The following EIF3J variants were observed in gnomAD, a reference collection of about 807,000 sequenced individuals.
EIF3J encodes eukaryotic translation initiation factor 3, subunit 1 (alpha, 35kD).
A neutral mutation model predicts 39.0 loss-of-function variants in EIF3J; 15 were observed. The observed-to-expected ratio is 0.38, with a 90% confidence interval of 0.26 to 0.59. EIF3J has a LOEUF of 0.59. Ranked by LOEUF, EIF3J falls within the 20% of genes least tolerant of loss-of-function variation. The pLI is 0.60. For missense variants in EIF3J, 226 were observed against 308.6 expected (o/e 0.73, Z 2.00); for synonymous variants, 98 against 112.9 (o/e 0.87, Z 0.84).
intron 2 of EIF3J, among the ~76,000 whole-genome samples, chr15:44,541,959 T>C (rs2082017766): frequency 6.6e-6 from 1 of 152,216 alleles, no homozygotes; most frequent in African/African-American, 2.4e-5. Context: ...TTGAAAAATA[T>C]TTTCTTGTCA....
intron 4 of EIF3J, among the ~76,000 whole-genome samples, chr15:44,553,004 A>AGG (rs2082113280): frequency 1.3e-5 from 2 of 151,806 alleles, no homozygotes; most frequent in African/African-American, 4.8e-5. Context: ...TGGACAACAT[A>AGG]GGGAGACCCC....
intron 2 of EIF3J, among the ~76,000 whole-genome samples, chr15:44,539,846 C>A (rs557600771): frequency 6.6e-6 from 1 of 151,782 alleles, no homozygotes; most frequent in Non-Finnish European, 1.5e-5. Flanking sequence ...CTGCAACCTC[C>A]GCCTCCCGGA....
Position 44,562,555 on chromosome 15 carries a change from G to A in EIF3J, c.*1406G>A, listed in dbSNP as rs937084503. ...TCAAAGCTCTGTATACCTACTAAGT[G>A]GAAAACAAGACCATCATCTAAGTGA... On this transcript the variant is annotated 3_prime_UTR_variant, in exon 8 of 8. Transcript: ENST00000261868. The A allele has an allele frequency of 6.5e-6, 1 of 153,200 alleles. No homozygotes were observed. The highest frequency in any genetic ancestry group is 1.5e-5 in the Non-Finnish European group (1 of 68,584). 9.5% of individuals were successfully genotyped at this position (153,200 alleles called of 1,614,324 possible).
rs777077798 is a variant in EIF3J at position 44,561,192 on chromosome 15, C to T, written c.*43C>T. ...GTGTCATCTTTATGTTGCCCACAAT[C>T]CCTTGAACATGTAGCACAACTTCCT... On this transcript the variant is annotated 3_prime_UTR_variant, in exon 8 of 8. Transcript: ENST00000261868. The T allele has an allele frequency of 3.4e-5, 54 of 1,583,732 alleles. 1 individual carries two copies. The Admixed American group carries it at 8.7e-4, about 25-fold the overall frequency.
At chr15:44,540,253 ATATATATATATATATTT>A (rs1410950868) in intron 2 of EIF3J, among the ~76,000 whole-genome samples, 21 of 50,492 alleles carry the variant, frequency 4.2e-4, no homozygotes, top group Middle Eastern at 0.013. Flanking sequence ...ATATATATAT[ATATATATATATATATTT>A]TTTTTTTTTT....
intron 2 of EIF3J, among the ~76,000 whole-genome samples, chr15:44,541,110 C>T (rs1400843801): frequency 6.6e-6 from 1 of 152,196 alleles, no homozygotes; most frequent in Non-Finnish European, 1.5e-5. Flanking sequence ...CATAGTTTCC[C>T]ATCACCCTGG....
intron 4 of EIF3J, among the ~76,000 whole-genome samples, chr15:44,552,039 T>C (rs1235795328): frequency 6.6e-6 from 1 of 152,034 alleles, no homozygotes; most frequent in African/African-American, 2.4e-5. Context: ...GCCAGGATGG[T>C]CTCAATCTCC....
intron 2 of EIF3J, 62 bp from the exon 3 acceptor site, chr15:44,550,814 T>TA: frequency 8.7e-7 from 1 of 1,152,868 alleles, no homozygotes. Context: ...GTCAAGTTGA[T>TA]AATAAAGTTC....
At chr15:44,545,711 T>C (rs2082047571) in intron 2 of EIF3J, among the ~76,000 whole-genome samples, 1 of 152,226 alleles carries the variant, frequency 6.6e-6, no homozygotes, top group African/African-American at 2.4e-5. Flanking sequence ...TTCAAAATTT[T>C]CTTATGGAAC....
At position 44,554,957 on chromosome 15, in the gene EIF3J, A is replaced by G. The variant is rs2303577; in HGVS notation, c.409+290A>G. On this transcript the variant is annotated intron_variant, in intron 5 of 7. Coordinates refer to ENST00000261868, the MANE Select transcript of EIF3J (RefSeq NM_003758.4). Reference sequence around the variant, plus strand: ...TGCATAGAATATTTTTATCAGCTGGATGAAATTTGCATGAAATGTGAGGTC... The same window carrying G: ...TGCATAGAATATTTTTATCAGCTGGGTGAAATTTGCATGAAATGTGAGGTC... 0.026 allele frequency among the ~76,000 whole-genome samples: 3,954 copies of G among 152,296 alleles called. 90 individuals are homozygous for G. The highest frequency in any genetic ancestry group is 0.098 in the East Asian group (507 of 5,182).
intron 2 of EIF3J, among the ~76,000 whole-genome samples, chr15:44,538,814 C>T (rs1408487144): frequency 1.3e-5 from 2 of 152,090 alleles, no homozygotes; most frequent in Non-Finnish European, 2.9e-5. Flanking sequence ...TCATATTGGT[C>T]CTTTCATTTT....
chr15:44,543,827 G>C (rs1436442898), intron 2 of EIF3J, among the ~76,000 whole-genome samples: 3 of 152,120 alleles, frequency 2.0e-5, no homozygotes, highest in Admixed American at 2.0e-4. Context: ...TTTGATGGGA[G>C]AAACTAGGGA....
intron 6 of EIF3J, chr15:44,558,083 G>A: frequency 6.6e-6 from 1 of 152,582 alleles, no homozygotes; most frequent in Non-Finnish European, 1.5e-5. Context: ...GACAGGGCTG[G>A]CACCTATTCT....
rs542023086 is a variant in EIF3J, at chr15:44,561,271, G to A, written c.*122G>A. The A allele has an allele frequency of 3.5e-5, 43 of 1,221,688 alleles. No homozygotes were observed. In the East Asian group the frequency reaches 1.0e-3, roughly 29 times the overall value. The allele number at this position is 1,221,688 out of a possible 1,614,324, so 75.7% of individuals were successfully genotyped here. A position where few individuals can be genotyped will look rare whatever the true frequency, so the allele number is the denominator to read the frequency against. The stretch of plus-strand genomic sequence containing the variant: ...TCAGAAGTGCAGTATCTTTTGTGCT[G>A]GTTATTTAACCCCTTGACACTTAGG... On this transcript the variant is annotated 3_prime_UTR_variant, in exon 8 of 8. Coordinates refer to ENST00000261868, the MANE Select transcript of EIF3J (RefSeq NM_003758.4).
intron 2 of EIF3J, among the ~76,000 whole-genome samples, chr15:44,542,915 T>C (rs923988180): frequency 6.6e-6 from 1 of 152,246 alleles, no homozygotes; most frequent in African/African-American, 2.4e-5. Context: ...TGGATGTTCA[T>C]AGGTAGTCTC....
At chr15:44,554,809 T>C in intron 5 of EIF3J, 142 bp downstream of exon 5, 1 of 499,128 alleles carries the variant, frequency 2.0e-6, no homozygotes, top group Non-Finnish European at 3.6e-6. Context: ...TCTGTGTATA[T>C]TTGAGATTTC....
At chr15:44,541,601 AAT>A (rs1440644905) in intron 2 of EIF3J, among the ~76,000 whole-genome samples, 1 of 152,224 alleles carries the variant, frequency 6.6e-6, no homozygotes, top group Admixed American at 6.5e-5. Context: ...TATTCCAATA[AAT>A]AGTTTGAATC....
chr15:44,552,938 C>T (rs1032440248), intron 4 of EIF3J, among the ~76,000 whole-genome samples: 9 of 152,064 alleles, frequency 5.9e-5, no homozygotes, highest in South Asian at 2.1e-4. Flanking sequence ...GTAATTGCAA[C>T]GCTTTGGGAG....
intron 6 of EIF3J, chr15:44,559,090 C>T (rs1358819350): frequency 2.0e-5 from 3 of 152,042 alleles, no homozygotes; most frequent in Non-Finnish European, 4.4e-5. Flanking sequence ...AGGGTGTTGT[C>T]ATTGTAGGTT....
Sources: gnomAD v4.1 joint callset for allele counts (sites outside exome capture counted in the v4.1 genomes callset) on GRCh38, gnomAD v4.1.1 for gene constraint, MANE v1.5 for transcripts, NCBI Gene and HGNC (gene_info 2026-07-23, HGNC 2026-07-21) for gene names.